Variants in PROSER2 observed in about 807,000 individuals in gnomAD.
PROSER2 encodes the protein proline and serine-rich protein 2.
In PROSER2, 18 loss-of-function variants were observed where a neutral mutation model predicts 14.6. The observed-to-expected ratio is 1.23, with a 90% CI of 0.85 to 1.83. The LOEUF (loss-of-function observed/expected upper bound fraction) is 1.83. PROSER2 is among the 40% of genes most tolerant of loss of function. The pLI, the probability that PROSER2 is intolerant of heterozygous loss-of-function variation, is 0.00. For missense variants in PROSER2, 823 were observed against 629.8 expected, an observed-to-expected ratio of 1.31 and a Z score of -3.28; for synonymous variants, 367 against 286.4, an observed-to-expected ratio of 1.28 and a Z score of -2.84.
intron 2 of PROSER2, among the ~76,000 whole-genome samples, chr10:11,864,576 T>C (rs138382599): frequency 2.1e-3 from 314 of 151,186 alleles, no homozygotes; most frequent in African/African-American, 7.1e-3. Context: ...AATTCTGATT[T>C]CTGAATTTTT....
At position 11,836,444 on chromosome 10, in the gene PROSER2, A is replaced by C. The variant is rs1833761755; in HGVS notation, c.-82+12974A>C. On this transcript the variant is annotated intron_variant, in intron 1 of 3. Transcript: ENST00000277570. This position sits in a 1 kb window ranked among gnomAD's most constrained non-coding sequence, Gnocchi z 4.6. Reference sequence around the variant, plus strand: ...TCTCCTGACCTCAGGTGATCCTCCCACCTCGGCCTCCCAAAGTGCTGGGAT... The same window carrying C: ...TCTCCTGACCTCAGGTGATCCTCCCCCCTCGGCCTCCCAAAGTGCTGGGAT... Among the ~76,000 whole-genome samples, 1 of 151,874 alleles carries C rather than the reference A, an allele frequency of 6.6e-6. No homozygotes were observed. The highest frequency in any genetic ancestry group is 1.5e-5 in the Non-Finnish European group (1 of 67,956).
In PROSER2 at chr10:11,838,393, G is replaced by A. The variant is rs1409654341; in HGVS notation, c.-81-13604G>A. ...GTATTCCGTAGTAAGCATTTACCAC[G>A]TTTCTACTTATAGAAAGTTCATGGT... On this transcript the variant is annotated intron_variant, in intron 1 of 3. Coordinates refer to ENST00000277570, the MANE Select transcript of PROSER2 (RefSeq NM_153256.4). The surrounding 1 kb of genome is among the most constrained non-coding windows in gnomAD (Gnocchi z 4.4). Among the ~76,000 whole-genome samples, 1 of 152,228 alleles carries A rather than the reference G, an allele frequency of 6.6e-6. No individual in the cohort carries two copies. The highest frequency in any genetic ancestry group is 2.1e-4 in the South Asian group (1 of 4,834).
intron 1 of PROSER2, among the ~76,000 whole-genome samples, chr10:11,833,977 G>T: frequency 1.5e-5 from 2 of 131,922 alleles, no homozygotes; most frequent in African/African-American, 2.8e-5. Context: ...CAAGTGAGTA[G>T]CTCTTTCTTT....
At position 11,830,537 on chromosome 10, in the gene PROSER2, A is replaced by G. The variant is rs1166671065; in HGVS notation, c.-82+7067A>G. Among the ~76,000 whole-genome samples, 2 of 152,200 alleles carry G rather than the reference A, an allele frequency of 1.3e-5. No individual in the cohort carries two copies. The highest frequency in any genetic ancestry group is 2.9e-5 in the Non-Finnish European group (2 of 68,030). The stretch of plus-strand genomic sequence containing the variant: ...TAATGATTTCTCTCCCTGTAGGTAG[A>G]TAACCAGTAGTGAGATTGCTGGGTC... On this transcript the variant is annotated intron_variant, in intron 1 of 3. Coordinates refer to ENST00000277570, the MANE Select transcript of PROSER2 (RefSeq NM_153256.4). This position sits in a 1 kb window ranked among gnomAD's most constrained non-coding sequence, Gnocchi z 4.5.
At chr10:11,853,340 C>A (rs1834064944) in intron 2 of PROSER2, among the ~76,000 whole-genome samples, 1 of 152,184 alleles carries the variant, frequency 6.6e-6, no homozygotes, top group South Asian at 2.1e-4. Context: ...GTAATCCCGG[C>A]ACTTTGGGAG....
chr10:11,836,850 T>G lies in PROSER2; in HGVS notation c.-82+13380T>G, dbSNP rs186970535. ...ATACACGGTTTTGCTTTCCATAGTT[T>G]CGGTTACTTGCAGTCAACCGTGGTC... On this transcript the variant is annotated intron_variant, in intron 1 of 3. Coordinates refer to ENST00000277570, the MANE Select transcript of PROSER2 (RefSeq NM_153256.4). This position sits in a 1 kb window ranked among gnomAD's most constrained non-coding sequence, Gnocchi z 4.6. Among the ~76,000 whole-genome samples the G allele has an allele frequency of 2.6e-5, 4 of 152,346 alleles. No homozygotes were observed. The East Asian group carries it at 5.8e-4, about 22-fold the overall frequency.
Position 11,870,644 on chromosome 10 carries a change from T to C in PROSER2, c.*238T>C, listed in dbSNP as rs1834468810. On this transcript the variant is annotated 3_prime_UTR_variant, in exon 4 of 4. Transcript: ENST00000277570. ...AAAGGAATCTGGCCGAGGGCTTGTCTCCCTTTTCCCAAGAACTGAGAGAGA... is the reference window on the plus strand; with the variant it reads ...AAAGGAATCTGGCCGAGGGCTTGTCCCCCTTTTCCCAAGAACTGAGAGAGA... 2.2e-6 allele frequency: 1 copy of C among 447,314 alleles called. No individual in the cohort carries two copies. Among genetic ancestry groups the C allele is most frequent in the South Asian group, 5.1e-5 (1 of 19,580 alleles). 27.7% of individuals were successfully genotyped at this position (447,314 alleles called of 1,614,324 possible). A position where few individuals can be genotyped will look rare whatever the true frequency, so the allele number is the denominator to read the frequency against.
At chr10:11,849,810 A>G (rs879872704) in intron 1 of PROSER2, 1 of 152,362 alleles carries the variant, frequency 6.6e-6, no homozygotes, top group Non-Finnish European at 1.5e-5. Flanking sequence ...CATGTGTTGG[A>G]CACTTAATCC....
intron 1 of PROSER2, among the ~76,000 whole-genome samples, chr10:11,841,919 C>G (rs1380928575): frequency 6.6e-6 from 1 of 152,122 alleles, no homozygotes; most frequent in Non-Finnish European, 1.5e-5. Context: ...CTTCTGTATT[C>G]TCAGGCTTGA....
rs1327551601 is a variant in PROSER2 at position 11,838,258 on chromosome 10, G to A, written c.-81-13739G>A. On this transcript the variant is annotated intron_variant, in intron 1 of 3. Transcript: ENST00000277570. This position sits in a 1 kb window ranked among gnomAD's most constrained non-coding sequence, Gnocchi z 4.4. The stretch of plus-strand genomic sequence containing the variant: ...GCTATGCATGTAAAATACAGCGCTG[G>A]GTTTTAAATGTACATGAATAGAATT... Among the ~76,000 whole-genome samples the A allele has an allele frequency of 6.6e-6, 1 of 151,934 alleles. No homozygotes were observed. Among genetic ancestry groups the A allele is most frequent in the African/African-American group, 2.4e-5 (1 of 41,342 alleles).
At chr10:11,847,491 C>T (rs954841494) in intron 1 of PROSER2, among the ~76,000 whole-genome samples, 3 of 152,182 alleles carry the variant, frequency 2.0e-5, no homozygotes, top group Non-Finnish European at 2.9e-5. Context: ...AATCTCTGCT[C>T]ACTGCAACCT....
chr10:11,870,566 C>G lies in PROSER2; in HGVS notation c.*160C>G. On this transcript the variant is annotated 3_prime_UTR_variant, in exon 4 of 4. Coordinates refer to ENST00000277570, the MANE Select transcript of PROSER2 (RefSeq NM_153256.4). ...TCTAGAGGTGCCTGGCTGGGGCCTCCTGGCTGAGCACGCACCGCAAGCTCC... is the reference window on the plus strand; with the variant it reads ...TCTAGAGGTGCCTGGCTGGGGCCTCGTGGCTGAGCACGCACCGCAAGCTCC... 3.5e-6 allele frequency: 2 copies of G among 575,634 alleles called. No individual in the cohort carries two copies. Among genetic ancestry groups the G allele is most frequent in the South Asian group, 3.2e-5 (1 of 31,008 alleles). The allele number at this position is 575,634 out of a possible 1,614,324, so 35.7% of individuals were successfully genotyped here. A position where few individuals can be genotyped will look rare whatever the true frequency, so the allele number is the denominator to read the frequency against.
At chr10:11,824,756 C>G (rs1833587425) in intron 1 of PROSER2, among the ~76,000 whole-genome samples, 1 of 152,164 alleles carries the variant, frequency 6.6e-6, no homozygotes, top group Admixed American at 6.5e-5. Flanking sequence ...AATGAGCTTT[C>G]TTTGAAAATT....
intron 1 of PROSER2, among the ~76,000 whole-genome samples, chr10:11,840,922 C>CAAAAAA (rs1169517487): frequency 2.0e-5 from 1 of 50,406 alleles, no homozygotes; most frequent in Non-Finnish European, 3.2e-5. Flanking sequence ...GAGACTGTCT[C>CAAAAAA]AAAAAAAAAA....
Position 11,838,729 on chromosome 10 carries a change from C to G in PROSER2, c.-81-13268C>G, listed in dbSNP as rs1833796103. 6.6e-6 allele frequency among the ~76,000 whole-genome samples: 1 copy of G among 152,196 alleles called. No individual in the cohort carries two copies. The highest frequency in any genetic ancestry group is 6.6e-5 in the Admixed American group (1 of 15,264). Reference sequence around the variant, plus strand: ...AATAATGTAGTAGTTTTAGCTTGCACTTTTTTTGTTCACTAGTGAGGTTGA... The same window carrying G: ...AATAATGTAGTAGTTTTAGCTTGCAGTTTTTTTGTTCACTAGTGAGGTTGA... On this transcript the variant is annotated intron_variant, in intron 1 of 3. Transcript: ENST00000277570. The surrounding 1 kb of genome is among the most constrained non-coding windows in gnomAD (Gnocchi z 4.4).
chr10:11,869,702 T>A lies in PROSER2; in HGVS notation c.604T>A (p.Ser202Thr). 1.3e-6 allele frequency: 2 copies of A among 1,596,764 alleles called. No individual in the cohort carries two copies. Among genetic ancestry groups the A allele is most frequent in the Non-Finnish European group, 1.7e-6 (2 of 1,172,436 alleles). The change falls in exon 4 of 4, where the codon TCC (serine) becomes ACC (threonine). Residue 202 changes from serine (S) to threonine (T), a missense_variant. Physicochemically the swap from Ser to Thr is moderately conservative, Grantham distance 58. Transcript: ENST00000277570. The surrounding 1 kb of genome is among the most constrained non-coding windows in gnomAD (Gnocchi z 4.4). ...PTPLVMAQKISERMAGNEALS... is the reference protein window; with the variant it reads ...PTPLVMAQKITERMAGNEALS... ...GCCCCTCGTTATGGCGCAGAAGATTTCCGAGAGGATGGCGGGGAACGAAGC... is the reference window on the plus strand; with the variant it reads ...GCCCCTCGTTATGGCGCAGAAGATTACCGAGAGGATGGCGGGGAACGAAGC...
At position 11,869,872 on chromosome 10, in the gene PROSER2, C is replaced by G. The variant is rs534432346; in HGVS notation, c.774C>G (p.Ile258Met). 1.3e-6 allele frequency: 2 copies of G among 1,594,356 alleles called. No homozygotes were observed. Among genetic ancestry groups the G allele is most frequent in the Non-Finnish European group, 1.7e-6 (2 of 1,172,656 alleles). Residue 258 changes from isoleucine to methionine, a missense_variant, in exon 4 of 4, where the codon ATC becomes ATG. Coordinates refer to ENST00000277570, the MANE Select transcript of PROSER2 (RefSeq NM_153256.4). This position sits in a 1 kb window ranked among gnomAD's most constrained non-coding sequence, Gnocchi z 4.4. ...PKAPRFPSNIIVTNGAAREPR... is the reference protein window; with the variant it reads ...PKAPRFPSNIMVTNGAAREPR... ...CACCCCGCTTCCCCAGCAACATCAT[C>G]GTCACCAACGGCGCGGCCCGGGAGC...
Position 11,836,652 on chromosome 10 carries a change from C to T in PROSER2, c.-82+13182C>T, listed in dbSNP as rs1833764934. 6.6e-6 allele frequency among the ~76,000 whole-genome samples: 1 copy of T among 152,116 alleles called. No homozygotes were observed. The highest frequency in any genetic ancestry group is 1.5e-5 in the Non-Finnish European group (1 of 68,026). ...GTAGTGTGTAAGTATGCTCACTGAC[C>T]TCTGCCCTACTGTATATCCTGACAC... is the stretch of plus-strand genomic sequence containing the variant. On this transcript the variant is annotated intron_variant, in intron 1 of 3. Coordinates refer to ENST00000277570, the MANE Select transcript of PROSER2 (RefSeq NM_153256.4). The surrounding 1 kb of genome is among the most constrained non-coding windows in gnomAD (Gnocchi z 4.6).
In PROSER2 at chr10:11,830,484, A is replaced by G. The variant is rs1396820793; in HGVS notation, c.-82+7014A>G. ...GGTTACTGTGAACAGCGCCGCGGTAAAGATGCAAGTGCAGGTGTCTTTTGA... is the reference window on the plus strand; with the variant it reads ...GGTTACTGTGAACAGCGCCGCGGTAGAGATGCAAGTGCAGGTGTCTTTTGA... On this transcript the variant is annotated intron_variant, in intron 1 of 3. Coordinates refer to ENST00000277570, the MANE Select transcript of PROSER2 (RefSeq NM_153256.4). This position sits in a 1 kb window ranked among gnomAD's most constrained non-coding sequence, Gnocchi z 4.5. Among the ~76,000 whole-genome samples the G allele has an allele frequency of 2.6e-5, 4 of 152,174 alleles. No homozygotes were observed. Among genetic ancestry groups the G allele is most frequent in the African/African-American group, 9.7e-5 (4 of 41,432 alleles).
Sources: gnomAD v4.1 joint callset for allele counts (sites outside exome capture counted in the v4.1 genomes callset) on GRCh38, gnomAD v4.1.1 for gene constraint, Gnocchi (gnomAD v3.1) non-coding constraint, MANE v1.5 for transcripts, NCBI Gene and HGNC (gene_info 2026-07-23, HGNC 2026-07-21) for gene names.